INPP5D: variants seen among roughly 807,000 people sequenced by gnomAD.
INPP5D encodes the protein inositol polyphosphate-5-phosphatase D, also known as phosphatidylinositol 3,4,5-trisphosphate 5-phosphatase 1.
INPP5D carries 33 observed loss-of-function variants against 122.9 expected under a neutral mutation model. The ratio of observed to expected loss-of-function variants is 0.27; its 90% confidence interval spans 0.20 to 0.36. The LOEUF (loss-of-function observed/expected upper bound fraction) is 0.36, where lower values mean the gene tolerates loss of function less well. Among genes scored for constraint, INPP5D ranks in the 10% least tolerant of loss-of-function variants. The probability of loss-of-function intolerance (pLI) is 1.00; values close to 1 mark genes in which losing one functional copy is unlikely to be tolerated. For synonymous variants in INPP5D, 584 were observed against 576.2 expected (o/e 1.01, Z -0.19); for missense variants, 1,053 against 1,412.7 (o/e 0.75, Z 4.08).
intron 20 of INPP5D, among the ~76,000 whole-genome samples, chr2:233,185,416 A>G (rs765721704): frequency 6.6e-6 from 1 of 152,002 alleles, no homozygotes; most frequent in Non-Finnish European, 1.5e-5. Context: ...TTTTTAATAA[A>G]CTATCAAGAC....
Position 233,206,906 on chromosome 2 carries a change from A to G in INPP5D, c.*198A>G. The G allele has an allele frequency of 1.7e-6, 1 of 571,530 alleles. No homozygotes were observed. 35.4% of individuals were successfully genotyped at this position (571,530 alleles called of 1,614,324 possible). A position where few individuals can be genotyped will look rare whatever the true frequency, so the allele number is the denominator to read the frequency against. On this transcript the variant is annotated 3_prime_UTR_variant, in exon 27 of 27. Transcript: ENST00000445964. This position sits in a 1 kb window ranked among gnomAD's most constrained non-coding sequence, Gnocchi z 4.0. ...ACTTAGCACCAAGTGCTGAGGCTGG[A>G]AGAAAAACGCACACCAGACGGGCAA...
rs1694283371 is a variant in INPP5D at position 233,164,667 on chromosome 2, T to TGG, written c.1555+244_1555+245dup. Among the ~76,000 whole-genome samples the TGG allele has an allele frequency of 6.6e-6, 1 of 152,118 alleles. No homozygotes were observed. The highest frequency in any genetic ancestry group is 2.4e-5 in the African/African-American group (1 of 41,426). ...AGGTTCCGACCCAGTAGATCTTGGG[T>TGG]GGAGCTCAGGGTTCCAAGTTTCTGA... On this transcript the variant is annotated intron_variant, in intron 13 of 26. Coordinates refer to ENST00000445964, the MANE Select transcript of INPP5D (RefSeq NM_001017915.3). The surrounding 1 kb of genome is among the most constrained non-coding windows in gnomAD (Gnocchi z 4.3).
In INPP5D at chr2:233,188,675, T is replaced by C. The variant is rs1406018807; in HGVS notation, c.2359-1175T>C. ...CTCCAAGGTTCAAGCGATTTGCCTG[T>C]CTCAGCCTCCCGAGTACCTGGGACG... On this transcript the variant is annotated intron_variant, in intron 21 of 26. Transcript: ENST00000445964. This position sits in a 1 kb window ranked among gnomAD's most constrained non-coding sequence, Gnocchi z 4.7. Among the ~76,000 whole-genome samples the C allele has an allele frequency of 6.6e-6, 1 of 152,152 alleles. No individual in the cohort carries two copies. Among genetic ancestry groups the C allele is most frequent in the Non-Finnish European group, 1.5e-5 (1 of 68,016 alleles).
intron 2 of INPP5D, among the ~76,000 whole-genome samples, chr2:233,106,273 G>A (rs994295221): frequency 6.6e-6 from 1 of 152,164 alleles, no homozygotes; most frequent in Non-Finnish European, 1.5e-5. Context: ...GGACTCAGCT[G>A]AACCAGGCTG....
intron 18 of INPP5D, among the ~76,000 whole-genome samples, chr2:233,178,566 T>A (rs1694704748): frequency 6.6e-6 from 1 of 151,948 alleles, no homozygotes; most frequent in South Asian, 2.1e-4. Flanking sequence ...CCCTGCAACC[T>A]CCGCCTGCCA....
intron 2 of INPP5D, among the ~76,000 whole-genome samples, chr2:233,114,128 T>G (rs1027987807): frequency 1.2e-4 from 18 of 152,172 alleles, no homozygotes; most frequent in Admixed American, 1.2e-3. Context: ...CAGGATGGTC[T>G]CGATCTCCTG....
At chr2:233,163,937 G>T in intron 12 of INPP5D, 34 bp downstream of exon 12, 1 of 1,606,472 alleles carries the variant, frequency 6.2e-7, no homozygotes, top group South Asian at 1.1e-5. Flanking sequence ...GTGGGCTTCC[G>T]GGATAGAATC....
At chr2:233,187,677 A>AT (rs1281798467) in intron 21 of INPP5D, among the ~76,000 whole-genome samples, 1 of 152,204 alleles carries the variant, frequency 6.6e-6, no homozygotes, top group Non-Finnish European at 1.5e-5. Flanking sequence ...GCCAGCTCAC[A>AT]TGGCTCTGAC....
chr2:233,061,355 C>A (rs1380326532), intron 1 of INPP5D, among the ~76,000 whole-genome samples: 3 of 152,056 alleles, frequency 2.0e-5, no homozygotes, highest in East Asian at 3.9e-4. Context: ...TTCTAAAACC[C>A]CCTTCCTGTC....
At position 233,130,303 on chromosome 2, in the gene INPP5D, ACTT is replaced by A. The variant is rs574740849; in HGVS notation, c.525-198_525-196del. Among the ~76,000 whole-genome samples the A allele has an allele frequency of 3.0e-3, 454 of 152,166 alleles. 2 individuals carry two copies. Among genetic ancestry groups the A allele is most frequent in the Non-Finnish European group, 5.5e-3 (373 of 68,020 alleles). On this transcript the variant is annotated intron_variant, in intron 4 of 26. Transcript: ENST00000445964. ...GAGAGGCACCTTTTCCTGCTGGGCCACTTCTTCTTGCTCTGACCTGCTAATCTA... is the reference window on the plus strand; with the variant it reads ...GAGAGGCACCTTTTCCTGCTGGGCCACTTCTTGCTCTGACCTGCTAATCTA...
chr2:233,130,019 A>T (rs1693274301), intron 4 of INPP5D, among the ~76,000 whole-genome samples: 1 of 152,042 alleles, frequency 6.6e-6, no homozygotes, highest in Non-Finnish European at 1.5e-5. Flanking sequence ...CTCCTGTCTC[A>T]GCCTCCCAAG....
intron 6 of INPP5D, chr2:233,145,171 A>G: frequency 2.2e-6 from 1 of 455,262 alleles, no homozygotes; most frequent in Non-Finnish European, 4.4e-6. Context: ...AACATAGAAT[A>G]GATGCTTTGT....
chr2:233,167,406 T>C (rs1225202449), intron 13 of INPP5D, among the ~76,000 whole-genome samples: 2 of 135,170 alleles, frequency 1.5e-5, no homozygotes, highest in African/African-American at 5.2e-5. Context: ...GCAGGGACTC[T>C]TATTATTCCC....
chr2:233,132,920 G>A (rs1047951400), intron 5 of INPP5D, among the ~76,000 whole-genome samples: 9 of 131,562 alleles, frequency 6.8e-5, no homozygotes, highest in Non-Finnish European at 9.3e-5. Flanking sequence ...ACAGGATCTC[G>A]CTCTGTCACC....
chr2:233,116,957 A>G (rs1692818006), intron 2 of INPP5D, among the ~76,000 whole-genome samples: 1 of 152,196 alleles, frequency 6.6e-6, no homozygotes, highest in African/African-American at 2.4e-5. Context: ...TTTGTTCAAA[A>G]TCAGGCTTCC....
In INPP5D at chr2:233,082,363, T is replaced by A. The variant is rs1175008582; in HGVS notation, c.198+2965T>A. On this transcript the variant is annotated intron_variant, in intron 2 of 26. Transcript: ENST00000445964. The surrounding 1 kb of genome is among the most constrained non-coding windows in gnomAD (Gnocchi z 4.7). ...TGATCTCTGCCTATTTTAACTCAAG[T>A]TCCTCTTTTCATGTTGAGGCAAAAC... Among the ~76,000 whole-genome samples the A allele has an allele frequency of 6.6e-6, 1 of 152,136 alleles. No individual in the cohort carries two copies. The highest frequency in any genetic ancestry group is 1.5e-5 in the Non-Finnish European group (1 of 68,010).
chr2:233,118,859 C>T (rs1376605505), intron 2 of INPP5D, among the ~76,000 whole-genome samples: 1 of 152,258 alleles, frequency 6.6e-6, no homozygotes, highest in African/African-American at 2.4e-5. Context: ...GGCTTCTACC[C>T]TGCATTCTCT....
At chr2:233,158,072 C>T (rs771599117) in intron 9 of INPP5D, among the ~76,000 whole-genome samples, 9 of 152,110 alleles carry the variant, frequency 5.9e-5, no homozygotes, top group African/African-American at 9.7e-5. Flanking sequence ...GATGAAAAGA[C>T]GATCACGCTG....
At chr2:233,132,525 A>G (rs1693357199) in intron 5 of INPP5D, among the ~76,000 whole-genome samples, 2 of 151,998 alleles carry the variant, frequency 1.3e-5, no homozygotes, top group South Asian at 2.1e-4. Context: ...TCCCTTGCAC[A>G]CTCGTCTTTG....
Sources: allele counts gnomAD v4.1 joint callset (sites outside exome capture counted in the v4.1 genomes callset), GRCh38; gene constraint gnomAD v4.1.1; non-coding constraint Gnocchi (gnomAD v3.1); transcripts MANE v1.5; gene names NCBI Gene and HGNC (gene_info 2026-07-23, HGNC 2026-07-21).